The following DPYSL3 variants were observed in gnomAD, a reference collection of about 807,000 sequenced individuals.
DPYSL3 encodes dihydropyrimidinase like 3.
Under a neutral mutation model 66.1 loss-of-function variants are expected in DPYSL3, and 16 were observed. The observed-to-expected ratio is 0.24, with a 90% CI of 0.16 to 0.37. The LOEUF is 0.37. Among genes scored for constraint, DPYSL3 ranks in the 10% least tolerant of loss-of-function variants. The probability of loss-of-function intolerance (pLI) is 1.00; values close to 1 mark genes in which losing one functional copy is unlikely to be tolerated. For missense variants in DPYSL3, 738 were observed against 916.2 expected (o/e 0.81, Z 2.51); for synonymous variants, 338 against 345.1 (o/e 0.98, Z 0.23).
At chr5:147,502,801 C>G (rs1337684374) in intron 1 of DPYSL3, among the ~76,000 whole-genome samples, 1 of 152,148 alleles carries the variant, frequency 6.6e-6, no homozygotes, top group Non-Finnish European at 1.5e-5. Context: ...TGATCTCGAT[C>G]TCATGACCTC....
At chr5:147,421,461 T>C (rs1197046869) in intron 2 of DPYSL3, among the ~76,000 whole-genome samples, 1 of 152,210 alleles carries the variant, frequency 6.6e-6, no homozygotes, top group African/African-American at 2.4e-5. Flanking sequence ...TTCAATGCTA[T>C]TCCCATCAAG....
intron 12 of DPYSL3, among the ~76,000 whole-genome samples, chr5:147,397,007 C>G (rs1249573445): frequency 7.6e-6 from 1 of 130,766 alleles, no homozygotes; most frequent in Non-Finnish European, 1.6e-5. Context: ...ATACACAATA[C>G]AATATAAATA....
chr5:147,467,023 A>G (rs997501152), intron 1 of DPYSL3, among the ~76,000 whole-genome samples: 3 of 152,124 alleles, frequency 2.0e-5, no homozygotes, highest in African/African-American at 7.2e-5. Context: ...ACTGATCCCA[A>G]ATAAGACCCT....
rs920452090 is a variant in DPYSL3, at chr5:147,445,888, C to G, written c.382-20925G>C. Reference sequence around the variant, plus strand: ...CATCTGAATTAATACTAACGCTCTACTAGGCAGAGGATCTCAGTCATCATT... The same window carrying G: ...CATCTGAATTAATACTAACGCTCTAGTAGGCAGAGGATCTCAGTCATCATT... On this transcript the variant is annotated intron_variant, in intron 1 of 13. Transcript: ENST00000343218. Among the ~76,000 whole-genome samples the G allele has an allele frequency of 8.5e-5, 13 of 152,292 alleles. No individual in the cohort carries two copies. The East Asian group carries it at 2.5e-3, about 29-fold the overall frequency.
intron 6 of DPYSL3, among the ~76,000 whole-genome samples, chr5:147,409,482 C>T (rs1300941325): frequency 6.6e-6 from 1 of 152,118 alleles, no homozygotes; most frequent in African/African-American, 2.4e-5. Flanking sequence ...CAAAATAGTG[C>T]CTCCAAACAG....
chr5:147,485,948 C>T (rs1379485959), intron 1 of DPYSL3, among the ~76,000 whole-genome samples: 1 of 152,144 alleles, frequency 6.6e-6, no homozygotes, highest in African/African-American at 2.4e-5. Context: ...ATGGAAACAA[C>T]CCAATGTCTA....
chr5:147,488,757 G>A (rs767291410), intron 1 of DPYSL3, among the ~76,000 whole-genome samples: 3 of 152,040 alleles, frequency 2.0e-5, no homozygotes, highest in Non-Finnish European at 4.4e-5. Flanking sequence ...GCTCATCCCT[G>A]TAATCCCACC....
At chr5:147,415,009 A>C (rs894705138) in intron 4 of DPYSL3, among the ~76,000 whole-genome samples, 3 of 152,268 alleles carry the variant, frequency 2.0e-5, no homozygotes, top group African/African-American at 7.2e-5. Context: ...CACATTGTGC[A>C]TATGTGTGCC....
At chr5:147,501,596 C>T (rs1753613601) in intron 1 of DPYSL3, among the ~76,000 whole-genome samples, 1 of 148,780 alleles carries the variant, frequency 6.7e-6, no homozygotes, top group Non-Finnish European at 1.5e-5. Flanking sequence ...GCAATTCTCT[C>T]ACCTCCCAAG....
chr5:147,455,212 C>T (rs1003821583), intron 1 of DPYSL3, among the ~76,000 whole-genome samples: 31 of 152,268 alleles, frequency 2.0e-4, no homozygotes, highest in African/African-American at 7.5e-4. Context: ...AATACTCCGG[C>T]TTGGGCTTTC....
At chr5:147,492,456 G>C (rs1753429851) in intron 1 of DPYSL3, among the ~76,000 whole-genome samples, 1 of 151,978 alleles carries the variant, frequency 6.6e-6, no homozygotes, top group Non-Finnish European at 1.5e-5. Context: ...AATGTATTCT[G>C]TTATATATGC....
intron 8 of DPYSL3, 122 bp from the exon 9 acceptor site, chr5:147,401,818 T>A: frequency 8.4e-7 from 1 of 1,194,728 alleles, no homozygotes; most frequent in South Asian, 1.6e-5. Flanking sequence ...CTGACCTGGG[T>A]TCAAGTCCAT....
rs774304174 is a variant in DPYSL3 at position 147,418,524 on chromosome 5, G to A, written c.578C>T (p.Pro193Leu). 1 of 1,613,524 alleles carries A rather than the reference G, an allele frequency of 6.2e-7. No individual in the cohort carries two copies. The highest frequency in any genetic ancestry group is 8.5e-7 in the Non-Finnish European group (1 of 1,179,752). The change falls in exon 3 of 14, where the codon CCA becomes CTA. Residue 193 changes from proline to leucine, a missense_variant. By Grantham distance (98) the Pro-to-Leu change is moderately conservative. Transcript: ENST00000343218. ...GIDVHTHFQM[P>L]YKGMTTVDDF... The stretch of plus-strand genomic sequence containing the variant: ...ATCTACTGTGGTCATTCCCTTATAT[G>A]GCATCTGGAAGTGAGTATGGACATC...
chr5:147,443,441 G>A (rs890930814), intron 1 of DPYSL3, among the ~76,000 whole-genome samples: 1 of 152,052 alleles, frequency 6.6e-6, no homozygotes, highest in Non-Finnish European at 1.5e-5. Context: ...GAGAACACAT[G>A]GACACAGAGA....
intron 1 of DPYSL3, among the ~76,000 whole-genome samples, chr5:147,431,956 G>A (rs765272461): frequency 9.2e-5 from 14 of 152,128 alleles, no homozygotes; most frequent in Admixed American, 8.5e-4. Flanking sequence ...TGACAAGCAT[G>A]CCATTGAGAC....
At chr5:147,433,769 C>G (rs139629520) in intron 1 of DPYSL3, among the ~76,000 whole-genome samples, 51 of 152,274 alleles carry the variant, frequency 3.3e-4, no homozygotes, top group African/African-American at 1.2e-3. Context: ...CGCAGTGGCT[C>G]ACGCCTGTAA....
At chr5:147,470,616 C>T (rs1173007904) in intron 1 of DPYSL3, among the ~76,000 whole-genome samples, 1 of 152,160 alleles carries the variant, frequency 6.6e-6, no homozygotes. Context: ...ACTCTCCACA[C>T]TTGACCTCTG....
chr5:147,419,432 A>T (rs1752038437), intron 2 of DPYSL3, among the ~76,000 whole-genome samples: 1 of 152,260 alleles, frequency 6.6e-6, no homozygotes, highest in East Asian at 1.9e-4. Flanking sequence ...CAAGCCTCCA[A>T]GGAAAGTGAC....
In DPYSL3 at chr5:147,416,964, A is replaced by G. The variant is rs142268592; in HGVS notation, c.656-1091T>C. 3.2e-3 allele frequency among the ~76,000 whole-genome samples: 491 copies of G among 152,330 alleles called. 10 individuals carry two copies. The highest frequency in any genetic ancestry group is 8.2e-4 in the Non-Finnish European group (56 of 68,032). On this transcript the variant is annotated intron_variant, in intron 3 of 13. Coordinates refer to ENST00000343218, the MANE Select transcript of DPYSL3 (RefSeq NM_001197294.2). ...TAGCAAAAATGGAAGGTTAAAATATAATACATATACTGTGATCCTAGTTTG... is the reference window on the plus strand; with the variant it reads ...TAGCAAAAATGGAAGGTTAAAATATGATACATATACTGTGATCCTAGTTTG...
Sources: allele counts gnomAD v4.1 joint callset (sites outside exome capture counted in the v4.1 genomes callset), GRCh38; gene constraint gnomAD v4.1.1; transcripts MANE v1.5; gene names NCBI Gene and HGNC (gene_info 2026-07-23, HGNC 2026-07-21).